ACSM6: variants seen among roughly 807,000 people sequenced by gnomAD.
The protein encoded by ACSM6 is acyl-CoA synthetase medium chain family member 6, also known as acyl-coenzyme A synthetase ACSM6, mitochondrial.
In ACSM6, 35 loss-of-function variants were observed where a neutral mutation model predicts 51.1. The observed-to-expected ratio is 0.69, with a 90% CI of 0.52 to 0.91. ACSM6 has a LOEUF of 0.91. Ranked by LOEUF, ACSM6 falls within the 40% of genes least tolerant of loss-of-function variation. The probability of loss-of-function intolerance (pLI) is 0.00; values close to 1 mark genes in which losing one functional copy is unlikely to be tolerated. For synonymous variants in ACSM6, 172 were observed against 207.3 expected, an observed-to-expected ratio of 0.83 and a Z score of 1.46; for missense variants, 509 against 584.1, an observed-to-expected ratio of 0.87 and a Z score of 1.32.
chr10:95,225,493 A>G (rs1342682108), intron 10 of ACSM6, 102 bp downstream of exon 10: 3 of 906,512 alleles, frequency 3.3e-6, no homozygotes, highest in African/African-American at 1.7e-5. Flanking sequence ...TTTTGTCCCA[A>G]TTTTTAATTT....
intron 8 of ACSM6, among the ~76,000 whole-genome samples, chr10:95,215,527 T>G (rs2034935724): frequency 6.6e-6 from 1 of 151,960 alleles, no homozygotes; most frequent in East Asian, 1.9e-4. Flanking sequence ...GAAGGTGCAA[T>G]AAAAGGGCAG....
At chr10:95,210,529 C>T (rs535167781) in intron 4 of ACSM6, 121 bp from the exon 5 acceptor site, 110 of 1,099,066 alleles carry the variant, frequency 1.0e-4, no homozygotes, top group Admixed American at 1.3e-4. Context: ...AAATAATCCT[C>T]AAATATATCA....
intron 6 of ACSM6, among the ~76,000 whole-genome samples, chr10:95,212,368 C>G (rs556836948): frequency 3.3e-5 from 5 of 152,274 alleles, no homozygotes; most frequent in Admixed American, 6.5e-5. Context: ...CCCCAAGAAC[C>G]CTGTGAGGGA....
rs1408371733 is a variant in ACSM6 at position 95,228,773 on chromosome 10, C to T, written c.1432C>T (p.Gln478Ter). 6.4e-7 allele frequency: 1 copy of T among 1,550,884 alleles called. No individual in the cohort carries two copies. The highest frequency in any genetic ancestry group is 8.7e-7 in the Non-Finnish European group (1 of 1,146,664). Residue 478 changes from glutamine (Q) to a stop codon, truncating the protein, a stop_gained, in exon 11 of 11, where the codon CAG becomes TAG. Coordinates refer to ENST00000341686, the Ensembl canonical transcript of ACSM6. LOFTEE classifies it high-confidence loss of function. ...TGATGATGTTGCCAATGCATTGGGT[C>T]AGAGATTGTGAATGCTTTGGTTATT...
chr10:95,197,911 C>T (rs1384567285), intron 2 of ACSM6, among the ~76,000 whole-genome samples: 1 of 152,248 alleles, frequency 6.6e-6, no homozygotes, highest in Non-Finnish European at 1.5e-5. Flanking sequence ...GTGCACTGTG[C>T]CCCTGGTTTA....
intron 10 of ACSM6, among the ~76,000 whole-genome samples, chr10:95,227,685 T>C (rs2133397880): frequency 6.6e-6 from 1 of 152,328 alleles, no homozygotes; most frequent in South Asian, 2.1e-4. Flanking sequence ...TTCACCAAAG[T>C]TTATTAGAAC....
intron 9 of ACSM6, among the ~76,000 whole-genome samples, chr10:95,222,133 T>C (rs572875480): frequency 1.9e-4 from 29 of 152,292 alleles, no homozygotes; most frequent in African/African-American, 7.0e-4. Context: ...GAAGTAAGAT[T>C]ATCTCTGTTT....
chr10:95,225,919 G>A (rs1333848905), intron 10 of ACSM6: 1 of 152,200 alleles, frequency 6.6e-6, no homozygotes, highest in East Asian at 1.9e-4. Flanking sequence ...ACATTTTGAA[G>A]AATAGAGGAC....
chr10:95,198,356 A>C lies in ACSM6; in HGVS notation c.193-3629A>C, dbSNP rs111235516. ...GTCGCACAAAGATATTATAGAACAAAAATGAAAATTACAACCAGGCACAGT... is the reference window on the plus strand; with the variant it reads ...GTCGCACAAAGATATTATAGAACAACAATGAAAATTACAACCAGGCACAGT... On this transcript the variant is annotated intron_variant, in intron 2 of 10. Coordinates refer to ENST00000341686, the Ensembl canonical transcript of ACSM6. 8.4e-3 allele frequency among the ~76,000 whole-genome samples: 1,281 copies of C among 152,310 alleles called. 27 individuals carry two copies. Among genetic ancestry groups the C allele is most frequent in the African/African-American group, 0.029 (1,222 of 41,560 alleles).
At chr10:95,228,845 C>A in exon 11 of ACSM6, 1 of 1,400,702 alleles carries the variant, frequency 7.1e-7, no homozygotes, top group East Asian at 2.7e-5. Flanking sequence ...CTCTGGACTG[C>A]TTCCAATACG....
chr10:95,220,622 A>G (rs2034987254), intron 9 of ACSM6, among the ~76,000 whole-genome samples: 1 of 152,226 alleles, frequency 6.6e-6, no homozygotes, highest in African/African-American at 2.4e-5. Context: ...TCTCAACCTG[A>G]ATGAAACAAA....
At chr10:95,227,082 G>A (rs2035046633) in intron 10 of ACSM6, among the ~76,000 whole-genome samples, 1 of 151,684 alleles carries the variant, frequency 6.6e-6, no homozygotes, top group South Asian at 2.1e-4. Context: ...CACCTCCCGG[G>A]TTCAAGCGAT....
intron 2 of ACSM6, among the ~76,000 whole-genome samples, chr10:95,197,782 G>A (rs868094784): frequency 1.2e-4 from 18 of 151,402 alleles, no homozygotes; most frequent in South Asian, 2.1e-4. Flanking sequence ...TACGGGTGTC[G>A]GGCTGGGGGA....
intron 9 of ACSM6, among the ~76,000 whole-genome samples, chr10:95,221,673 C>T (rs2034996791): frequency 6.6e-6 from 1 of 151,890 alleles, no homozygotes; most frequent in Non-Finnish European, 1.5e-5. Context: ...TACAACCTAC[C>T]AAGACTGAAT....
chr10:95,204,561 AAAT>A (rs976405732), intron 3 of ACSM6, among the ~76,000 whole-genome samples: 4 of 152,070 alleles, frequency 2.6e-5, no homozygotes, highest in Non-Finnish European at 5.9e-5. Flanking sequence ...CTATTTAAAA[AAAT>A]AATAATAATA....
At chr10:95,208,166 T>C (rs1213337446) in intron 4 of ACSM6, among the ~76,000 whole-genome samples, 1 of 152,080 alleles carries the variant, frequency 6.6e-6, no homozygotes. Flanking sequence ...ATAATGTCTT[T>C]TGCAGCAACA....
intron 10 of ACSM6, among the ~76,000 whole-genome samples, chr10:95,227,472 C>T (rs1374015747): frequency 1.3e-5 from 2 of 152,064 alleles, no homozygotes; most frequent in Non-Finnish European, 2.9e-5. Context: ...GAGTTAAAGC[C>T]TAGGTAAAAC....
intron 8 of ACSM6, 148 bp downstream of exon 8, chr10:95,215,123 C>G: frequency 2.3e-6 from 2 of 881,570 alleles, no homozygotes; most frequent in Non-Finnish European, 3.4e-6. Flanking sequence ...TAGGGAGACC[C>G]CTCTTCCATG....
intron 6 of ACSM6, 54 bp from the exon 7 acceptor site, chr10:95,212,800 TCTCA>T: frequency 7.4e-7 from 1 of 1,359,896 alleles, no homozygotes; most frequent in Non-Finnish European, 1.1e-6. Context: ...CCTGCCACAG[TCTCA>T]CTGTCTCTCC....
Sources: allele counts gnomAD v4.1 joint callset (sites outside exome capture counted in the v4.1 genomes callset), GRCh38; gene constraint gnomAD v4.1.1; transcripts MANE v1.5; gene names NCBI Gene and HGNC (gene_info 2026-07-23, HGNC 2026-07-21).